The following SH3RF3 variants were observed in gnomAD, a reference collection of about 807,000 sequenced individuals.
SH3RF3 encodes the protein E3 ubiquitin-protein ligase SH3RF3.
SH3RF3 carries 29 observed loss-of-function variants against 66.3 expected under a neutral mutation model. The observed-to-expected ratio is 0.44, with a 90% CI of 0.33 to 0.60. The LOEUF is 0.60. SH3RF3 is among the 20% of genes least tolerant of loss of function. The probability of loss-of-function intolerance (pLI) is 0.04; values close to 1 mark genes in which losing one functional copy is unlikely to be tolerated. For synonymous variants in SH3RF3, 583 were observed against 532.0 expected, an observed-to-expected ratio of 1.10 and a Z score of -1.32; for missense variants, 1,194 against 1,190.9, an observed-to-expected ratio of 1.00 and a Z score of -0.04.
intron 1 of SH3RF3, among the ~76,000 whole-genome samples, chr2:109,157,360 G>A (rs906873014): frequency 4.6e-5 from 7 of 152,200 alleles, no homozygotes; most frequent in African/African-American, 1.4e-4. Context: ...TATTGCATTC[G>A]CTTTATAGAC....
Position 109,345,598 on chromosome 2 carries a change from A to G in SH3RF3, c.574-2076A>G, listed in dbSNP as rs1232570844. 3.3e-5 allele frequency among the ~76,000 whole-genome samples: 5 copies of G among 152,296 alleles called. No individual in the cohort carries two copies. In the South Asian group the frequency reaches 8.3e-4, roughly 25 times the overall value. Reference sequence around the variant, plus strand: ...GAGGCTGGTTTTTCAACTTCAGAGCATGTTCTTTTCTTACATCCCTTCAAA... The same window carrying G: ...GAGGCTGGTTTTTCAACTTCAGAGCGTGTTCTTTTCTTACATCCCTTCAAA... On this transcript the variant is annotated intron_variant, in intron 1 of 9. Coordinates refer to ENST00000309415, the MANE Select transcript of SH3RF3 (RefSeq NM_001099289.3).
chr2:109,163,635 G>A (rs535806295), intron 1 of SH3RF3, among the ~76,000 whole-genome samples: 2 of 151,904 alleles, frequency 1.3e-5, no homozygotes, highest in South Asian at 2.1e-4. Flanking sequence ...TCCTGACCTC[G>A]TGATCCGCCC....
Position 109,129,993 on chromosome 2 carries a change from C to T in SH3RF3, c.453C>T (p.Gly151=). ...PGQSAAPTLA[G]GGGGAAGSTP... ...AGAGTGCGGCCCCCACGCTCGCGGG[C>T]GGCGGGGGCGGCGCGGCAGGCAGCA... Residue 151 remains glycine, a synonymous_variant, in exon 1 of 10, where the codon GGC becomes GGT. Coordinates refer to ENST00000309415, the MANE Select transcript of SH3RF3 (RefSeq NM_001099289.3). The T allele has an allele frequency of 3.9e-6, 5 of 1,294,624 alleles. No homozygotes were observed. Among genetic ancestry groups the T allele is most frequent in the South Asian group, 4.8e-5 (2 of 41,420 alleles). The allele number at this position is 1,294,624 out of a possible 1,614,324, so 80.2% of individuals were successfully genotyped here. A position where few individuals can be genotyped will look rare whatever the true frequency, so the allele number is the denominator to read the frequency against.
At chr2:109,208,180 G>A (rs1308257633) in intron 1 of SH3RF3, among the ~76,000 whole-genome samples, 3 of 152,248 alleles carry the variant, frequency 2.0e-5, no homozygotes, top group Non-Finnish European at 4.4e-5. Context: ...CTGCCCTGTG[G>A]CACCTACCTG....
intron 1 of SH3RF3, among the ~76,000 whole-genome samples, chr2:109,235,110 A>G (rs535395108): frequency 3.9e-5 from 6 of 152,306 alleles, no homozygotes; most frequent in African/African-American, 1.4e-4. Context: ...AATAAGCAGT[A>G]CGGTTTTAGA....
intron 1 of SH3RF3, among the ~76,000 whole-genome samples, chr2:109,224,520 C>A (rs1211586268): frequency 6.6e-6 from 1 of 152,194 alleles, no homozygotes; most frequent in Non-Finnish European, 1.5e-5. Context: ...CAGGTGACTA[C>A]TGAGCTCATG....
At chr2:109,341,225 G>A (rs10176655) in intron 1 of SH3RF3, among the ~76,000 whole-genome samples, 69,852 of 152,124 alleles carry the variant, frequency 0.46, 16,951 homozygotes, top group East Asian at 0.61. Context: ...AAAGGAACTC[G>A]AAATATAATT....
intron 1 of SH3RF3, among the ~76,000 whole-genome samples, chr2:109,184,484 C>T (rs536180201): frequency 5.2e-4 from 79 of 152,254 alleles, no homozygotes; most frequent in Admixed American, 9.1e-4. Flanking sequence ...CTGTCCCAGC[C>T]GTGGGTCTGC....
chr2:109,323,388 A>G (rs1682075722), intron 1 of SH3RF3, among the ~76,000 whole-genome samples: 1 of 152,238 alleles, frequency 6.6e-6, no homozygotes, highest in Non-Finnish European at 1.5e-5. Flanking sequence ...CACAATGGGC[A>G]TTTGTGTAAA....
intron 1 of SH3RF3, among the ~76,000 whole-genome samples, chr2:109,247,094 CCT>C (rs1679935462): frequency 6.6e-6 from 1 of 152,136 alleles, no homozygotes; most frequent in Non-Finnish European, 1.5e-5. Context: ...TTCATTTTCC[CCT>C]GTTTGGGGAA....
chr2:109,253,052 G>A (rs991350773), intron 1 of SH3RF3, among the ~76,000 whole-genome samples: 1 of 151,880 alleles, frequency 6.6e-6, no homozygotes, highest in African/African-American at 2.4e-5. Context: ...TTAAGAGCTA[G>A]AGTCTTGCTC....
intron 1 of SH3RF3, among the ~76,000 whole-genome samples, chr2:109,317,227 G>A (rs1158711113): frequency 6.6e-6 from 1 of 151,938 alleles, no homozygotes; most frequent in Admixed American, 6.6e-5. Flanking sequence ...CCTCCCACCC[G>A]GATGGAATCT....
chr2:109,477,387 C>T (rs1285289664), intron 8 of SH3RF3, among the ~76,000 whole-genome samples: 1 of 152,236 alleles, frequency 6.6e-6, no homozygotes, highest in African/African-American at 2.4e-5. Context: ...TCCCCACAGC[C>T]ACTGTCCTTG....
intron 7 of SH3RF3, among the ~76,000 whole-genome samples, chr2:109,448,409 G>A (rs947826297): frequency 2.0e-5 from 3 of 152,202 alleles, no homozygotes; most frequent in Admixed American, 2.0e-4. Flanking sequence ...GTTGTGAGTG[G>A]TGGGTGAGCA....
intron 1 of SH3RF3, among the ~76,000 whole-genome samples, chr2:109,272,593 A>C (rs1392625415): frequency 1.3e-5 from 2 of 152,234 alleles, no homozygotes; most frequent in Admixed American, 6.5e-5. Context: ...GTTCCTTTGG[A>C]GACCCTGCTG....
rs905323215 is a variant in SH3RF3, at chr2:109,275,721, T to G, written c.574-71953T>G. ...AAGGTTCATTCCTCATCTCGCTGTT[T>G]GCCGGGTACCCTTCCTCTCCCGGAC... On this transcript the variant is annotated intron_variant, in intron 1 of 9. Transcript: ENST00000309415. Among the ~76,000 whole-genome samples the G allele has an allele frequency of 2.0e-5, 3 of 152,204 alleles. No individual in the cohort carries two copies. The South Asian group carries it at 6.2e-4, about 31-fold the overall frequency.
intron 1 of SH3RF3, among the ~76,000 whole-genome samples, chr2:109,241,680 C>A (rs1002408572): frequency 6.6e-6 from 1 of 152,116 alleles, no homozygotes; most frequent in South Asian, 2.1e-4. Flanking sequence ...GCAGTTCTCT[C>A]CCCCAGTCCC....
intron 2 of SH3RF3, among the ~76,000 whole-genome samples, chr2:109,351,990 TA>T: frequency 6.6e-6 from 1 of 152,294 alleles, no homozygotes; most frequent in Middle Eastern, 3.4e-3. Flanking sequence ...CATAGATGGA[TA>T]AAAATCAAAT....
chr2:109,203,823 C>G (rs545428277), intron 1 of SH3RF3, among the ~76,000 whole-genome samples: 3 of 151,838 alleles, frequency 2.0e-5, no homozygotes, highest in Admixed American at 1.3e-4. Context: ...GACTCTGAAG[C>G]GTTTGCTCTC....
Sources: gnomAD v4.1 joint callset for allele counts (sites outside exome capture counted in the v4.1 genomes callset) on GRCh38, gnomAD v4.1.1 for gene constraint, MANE v1.5 for transcripts, NCBI Gene and HGNC (gene_info 2026-07-23, HGNC 2026-07-21) for gene names.